ARMC2: variants seen among roughly 807,000 people sequenced by gnomAD.
The protein encoded by ARMC2 is armadillo repeat-containing protein 2.
A neutral mutation model predicts 90.3 loss-of-function variants in ARMC2; 67 were observed. The ratio of observed to expected loss-of-function variants is 0.74; its 90% CI spans 0.61 to 0.91. ARMC2 has a LOEUF of 0.91. Ranked by LOEUF, ARMC2 falls within the 40% of genes least tolerant of loss-of-function variation. ARMC2 has a pLI of 0.00. For missense variants in ARMC2, 920 were observed against 1,030.9 expected, an observed-to-expected ratio of 0.89 and a Z score of 1.47; for synonymous variants, 393 against 393.0, an observed-to-expected ratio of 1.00 and a Z score of 0.00.
At chr6:109,000,642 A>G in the ARMC2 span, 1 of 1,609,626 alleles carries the variant, frequency 6.2e-7, no homozygotes, top group Non-Finnish European at 8.5e-7. Flanking sequence ...ATGCAGGTTC[A>G]CTAAGTAGGA....
chr6:108,915,948 A>C (rs1773922515), intron 10 of ARMC2, among the ~76,000 whole-genome samples: 1 of 152,200 alleles, frequency 6.6e-6, no homozygotes, highest in African/African-American at 2.4e-5. Flanking sequence ...TTGGAGGGCT[A>C]AGATCTCAAA....
the ARMC2 span, chr6:108,987,592 T>C: frequency 6.2e-7 from 1 of 1,605,350 alleles, no homozygotes; most frequent in Non-Finnish European, 8.5e-7. Flanking sequence ...GGAGTTCTGC[T>C]TGCATCCTAG....
intron 5 of ARMC2, among the ~76,000 whole-genome samples, chr6:108,884,799 G>C (rs1026725959): frequency 2.0e-5 from 3 of 152,198 alleles, no homozygotes; most frequent in Non-Finnish European, 4.4e-5. Context: ...AGGACGAATG[G>C]GGAGAGGAGA....
chr6:108,868,139 T>TTGA (rs1776017852), intron 3 of ARMC2, among the ~76,000 whole-genome samples: 1 of 151,918 alleles, frequency 6.6e-6, no homozygotes, highest in South Asian at 2.1e-4. Flanking sequence ...ACTCAACAAA[T>TTGA]GTTTTCTGAA....
In ARMC2 at chr6:108,973,260, G is replaced by A. The variant is rs117377448; in HGVS notation, c.2447-97G>A. The A allele has an allele frequency of 6.5e-5, 67 of 1,026,428 alleles. No homozygotes were observed. In the East Asian group the frequency reaches 1.4e-3, roughly 21 times the overall value. 63.6% of individuals were successfully genotyped at this position (1,026,428 alleles called of 1,614,324 possible). ...TTGTGTTACGTTGGTATTAAAGGAC[G>A]ACCCAGGGTGAGTTTAACTCATATC... On this transcript the variant is annotated intron_variant, in intron 17 of 17. Transcript: ENST00000392644.
intron 2 of ARMC2, among the ~76,000 whole-genome samples, chr6:108,857,662 T>C (rs114602137): frequency 0.012 from 1,800 of 152,332 alleles, 34 homozygotes; most frequent in African/African-American, 0.042. Context: ...AGAAGTTTTC[T>C]TCTATTCCCA....
In ARMC2 at chr6:108,912,524, C is replaced by A. The variant is rs1167864434; in HGVS notation, c.1316C>A (p.Thr439Lys). 6.2e-7 allele frequency: 1 copy of A among 1,613,794 alleles called. No homozygotes were observed. Residue 439 changes from threonine to lysine, a missense_variant, in exon 10 of 18, where the codon ACA becomes AAA. By Grantham distance (78) the Thr-to-Lys change is moderately conservative (BLOSUM62 -1). Transcript: ENST00000392644. The stretch of plus-strand genomic sequence containing the variant: ...AATGAGAACATCAAGAAATGTGGTA[C>A]ATTTTTGCCTAATTCGGGCCACTTG... ...QINENIKKCG[T>K]FLPNSGHLLV... is the part of the protein sequence containing the mutation.
chr6:108,902,927 G>A lies in ARMC2; in HGVS notation c.848-1303G>A, dbSNP rs184216593. ...CAAAAATTACATTCCCAGGACTTTG[G>A]GAGGCTGAGGCAAGCAGATCACTTG... On this transcript the variant is annotated intron_variant, in intron 7 of 17. Coordinates refer to ENST00000392644, the MANE Select transcript of ARMC2 (RefSeq NM_032131.6). Among the ~76,000 whole-genome samples the A allele has an allele frequency of 8.7e-4, 133 of 152,128 alleles. 1 individual carries two copies. The highest frequency in any genetic ancestry group is 3.1e-3 in the African/African-American group (129 of 41,480).
chr6:108,883,249 T>C (rs1003311500), intron 5 of ARMC2, among the ~76,000 whole-genome samples: 3 of 152,222 alleles, frequency 2.0e-5, no homozygotes, highest in Non-Finnish European at 2.9e-5. Context: ...GCCAGTCCAG[T>C]TGTACAGAAG....
chr6:108,944,654 A>G (rs1776677173), intron 12 of ARMC2, among the ~76,000 whole-genome samples: 1 of 152,236 alleles, frequency 6.6e-6, no homozygotes, highest in African/African-American at 2.4e-5. Context: ...ACAGTTCAGT[A>G]TATACCCATA....
At chr6:108,957,526 G>A (rs1170492731) in intron 13 of ARMC2, among the ~76,000 whole-genome samples, 1 of 152,164 alleles carries the variant, frequency 6.6e-6, no homozygotes, top group Non-Finnish European at 1.5e-5. Flanking sequence ...AGTTGCTGCT[G>A]TCCTGTTTAC....
chr6:108,863,326 C>T (rs1015747502), intron 3 of ARMC2, among the ~76,000 whole-genome samples: 3 of 152,074 alleles, frequency 2.0e-5, no homozygotes, highest in African/African-American at 7.2e-5. Flanking sequence ...CAAGTGATCC[C>T]CCCACCTTGG....
intron 10 of ARMC2, among the ~76,000 whole-genome samples, chr6:108,915,544 G>A (rs1013193235): frequency 2.6e-5 from 4 of 152,240 alleles, no homozygotes; most frequent in African/African-American, 9.6e-5. Context: ...CAGCTCCGTT[G>A]GGCTCATTGA....
At chr6:108,943,395 A>G (rs1275866890) in intron 12 of ARMC2, among the ~76,000 whole-genome samples, 5 of 152,150 alleles carry the variant, frequency 3.3e-5, no homozygotes, top group African/African-American at 1.2e-4. Flanking sequence ...AATTCATATT[A>G]TTTTTTAAAA....
the ARMC2 span, among the ~76,000 whole-genome samples, chr6:108,979,537 C>T: frequency 3.3e-5 from 5 of 152,044 alleles, no homozygotes; most frequent in African/African-American, 1.2e-4. Context: ...GAATGTTGGC[C>T]TGCCTTGCTA....
chr6:108,928,853 C>A (rs890078407), intron 11 of ARMC2, among the ~76,000 whole-genome samples: 5 of 152,122 alleles, frequency 3.3e-5, no homozygotes, highest in Non-Finnish European at 5.9e-5. Flanking sequence ...TGATTCTTCT[C>A]GGGAGCCTGA....
At chr6:109,011,280 G>T in the ARMC2 span, among the ~76,000 whole-genome samples, 7 of 152,148 alleles carry the variant, frequency 4.6e-5, no homozygotes, top group Non-Finnish European at 8.8e-5. Flanking sequence ...ATTTATTGAA[G>T]AAATATTTCA....
intron 13 of ARMC2, among the ~76,000 whole-genome samples, chr6:108,960,943 C>T (rs1216542784): frequency 6.6e-6 from 1 of 152,136 alleles, no homozygotes; most frequent in South Asian, 2.1e-4. Context: ...TCTTGTGAAC[C>T]AGACGACGCA....
rs760964466 is a variant in ARMC2 at position 108,928,222 on chromosome 6, C to G, written c.1485C>G (p.Ala495=). 3 of 1,538,166 alleles carry G rather than the reference C, an allele frequency of 2.0e-6. No individual in the cohort carries two copies. Among genetic ancestry groups the G allele is most frequent in the Non-Finnish European group, 2.6e-6 (3 of 1,143,052 alleles). ...ACAAGGACGTCTGTACCAATATTGC[C>G]AGAATATTCAGGTAGGTAGACTAAG... ...KGDKDVCTNI[A]RIFSKLTSYR... Residue 495 remains alanine (A), a synonymous_variant, in exon 11 of 18, where the codon GCC becomes GCG. Coordinates refer to ENST00000392644, the MANE Select transcript of ARMC2 (RefSeq NM_032131.6).
Sources: allele counts gnomAD v4.1 joint callset (sites outside exome capture counted in the v4.1 genomes callset), GRCh38; gene constraint gnomAD v4.1.1; transcripts MANE v1.5; gene names NCBI Gene and HGNC (gene_info 2026-07-23, HGNC 2026-07-21).